Variants in PHKB observed in about 807,000 individuals in gnomAD.
PHKB encodes phosphorylase b kinase regulatory subunit beta.
PHKB carries 122 observed loss-of-function variants against 152.1 expected under a neutral mutation model. The observed-to-expected ratio is 0.80, with a 90% CI of 0.69 to 0.93. PHKB has a LOEUF of 0.93. Ranked by LOEUF, PHKB falls within the 40% of genes least tolerant of loss-of-function variation. PHKB has a pLI of 0.00. For missense variants in PHKB, 1,304 were observed against 1,328.4 expected (o/e 0.98, Z 0.29); for synonymous variants, 436 against 464.9 (o/e 0.94, Z 0.80).
At chr16:47,683,037 C>T (rs918338940) in intron 26 of PHKB, among the ~76,000 whole-genome samples, 3 of 152,202 alleles carry the variant, frequency 2.0e-5, no homozygotes, top group African/African-American at 7.2e-5. Context: ...CACTCCAGAC[C>T]CTCTTTGCCT....
chr16:47,593,089 G>GAAGA (rs1301364912), intron 10 of PHKB, among the ~76,000 whole-genome samples: 1 of 137,142 alleles, frequency 7.3e-6, no homozygotes, highest in African/African-American at 2.7e-5. Flanking sequence ...ACATCTCTGA[G>GAAGA]AAGAAAGAAA....
intron 1 of PHKB, among the ~76,000 whole-genome samples, chr16:47,495,121 A>G (rs1970210032): frequency 6.7e-6 from 1 of 150,334 alleles, no homozygotes; most frequent in Admixed American, 6.6e-5. Flanking sequence ...CTCTTACTGA[A>G]TAGATACTTA....
At chr16:47,588,862 A>G (rs566655075) in intron 9 of PHKB, 43 bp from the exon 10 acceptor site, 1 of 1,524,410 alleles carries the variant, frequency 6.6e-7, no homozygotes, top group South Asian at 1.1e-5. Flanking sequence ...TGTTGATCAC[A>G]TCGCTGTGGA....
intron 1 of PHKB, among the ~76,000 whole-genome samples, chr16:47,475,545 C>T (rs1038119558): frequency 7.9e-5 from 12 of 152,142 alleles, no homozygotes; most frequent in Non-Finnish European, 1.6e-4. Flanking sequence ...TAGGGGACTT[C>T]ATCTGGAAAT....
intron 20 of PHKB, among the ~76,000 whole-genome samples, chr16:47,657,606 A>C (rs1026080072): frequency 1.3e-5 from 2 of 152,178 alleles, no homozygotes; most frequent in African/African-American, 4.8e-5. Flanking sequence ...AGCTTCTACA[A>C]CCAACTGAAT....
At chr16:47,660,321 T>G (rs946853873) in intron 20 of PHKB, among the ~76,000 whole-genome samples, 185 bp from the exon 21 acceptor site, 29 of 150,622 alleles carry the variant, frequency 1.9e-4, no homozygotes, top group Non-Finnish European at 2.8e-4. Context: ...TATTTTAGGG[T>G]TTTTTTTGTG....
chr16:47,565,848 G>T, intron 7 of PHKB: 1 of 1,293,308 alleles, frequency 7.7e-7, no homozygotes, highest in South Asian at 1.3e-5. Flanking sequence ...AGCTTGACTG[G>T]ACTGGGAGGT....
At position 47,594,203 on chromosome 16, in the gene PHKB, A is replaced by G; in HGVS notation, c.1193A>G (p.His398Arg). The change falls in exon 12 of 31, where the codon CAT (histidine) becomes CGT (arginine). Residue 398 changes from histidine (H) to arginine (R), a missense_variant. Physicochemically the swap from His to Arg is conservative, Grantham distance 29. Coordinates refer to ENST00000323584, the MANE Select transcript of PHKB (RefSeq NM_000293.3). ...GATCTTTTGACTCCAGTACTTCATC[A>G]TACCACAGAAGGTATAGTTGTTTTT... Reference protein sequence around the residue: ...YQDLLTPVLHHTTEGYPVVPK... With the variant: ...YQDLLTPVLHRTTEGYPVVPK... 6.5e-7 allele frequency: 1 copy of G among 1,543,632 alleles called. No homozygotes were observed. The highest frequency in any genetic ancestry group is 9.0e-7 in the Non-Finnish European group (1 of 1,116,206).
intron 1 of PHKB, among the ~76,000 whole-genome samples, chr16:47,467,767 C>A (rs1969693988): frequency 6.6e-6 from 1 of 152,180 alleles, no homozygotes; most frequent in African/African-American, 2.4e-5. Flanking sequence ...AACAGCTTGT[C>A]TCACTGCTTT....
chr16:47,655,978 A>G (rs1346757213), intron 20 of PHKB, among the ~76,000 whole-genome samples: 1 of 152,142 alleles, frequency 6.6e-6, no homozygotes, highest in Non-Finnish European at 1.5e-5. Context: ...TTATAGGAGA[A>G]AGAGGTCAGT....
At chr16:47,512,811 C>T (rs1432808090) in intron 5 of PHKB, among the ~76,000 whole-genome samples, 1 of 152,114 alleles carries the variant, frequency 6.6e-6, no homozygotes, top group Non-Finnish European at 1.5e-5. Context: ...GGACAGAGTA[C>T]TTAACTATTC....
chr16:47,589,122 G>T lies in PHKB; in HGVS notation c.1068+20G>T. The T allele has an allele frequency of 6.4e-7, 1 of 1,564,400 alleles. No homozygotes were observed. The highest frequency in any genetic ancestry group is 1.1e-5 in the South Asian group (1 of 89,714). ...ATTAAGGTATTAAAAAATATTCCAT[G>T]GTAATCGCATATCAGAGCAATCAAA... On this transcript the variant is annotated intron_variant, in intron 10 of 30. Coordinates refer to ENST00000323584, the MANE Select transcript of PHKB (RefSeq NM_000293.3).
intron 16 of PHKB, among the ~76,000 whole-genome samples, chr16:47,647,113 GTATTTATTTATT>G (rs752246332): frequency 4.0e-5 from 6 of 151,546 alleles, no homozygotes; most frequent in Non-Finnish European, 8.8e-5. Context: ...ATTTATTTAT[GTATTTATTTATT>G]TATTTATTTA....
intron 4 of PHKB, among the ~76,000 whole-genome samples, chr16:47,509,211 C>G (rs1970468710): frequency 6.6e-6 from 1 of 152,136 alleles, no homozygotes; most frequent in African/African-American, 2.4e-5. Flanking sequence ...AAAAGAGTGA[C>G]CACATTGATT....
At chr16:47,518,941 G>T (rs1043997257) in intron 6 of PHKB, among the ~76,000 whole-genome samples, 1 of 152,134 alleles carries the variant, frequency 6.6e-6, no homozygotes, top group Admixed American at 6.5e-5. Flanking sequence ...AAATAAGAAA[G>T]AAATCATTTA....
At chr16:47,672,810 A>G (rs1435577521) in intron 26 of PHKB, among the ~76,000 whole-genome samples, 2 of 152,110 alleles carry the variant, frequency 1.3e-5, no homozygotes, top group African/African-American at 4.8e-5. Context: ...TTCTGTTTTT[A>G]TATCTGTTAC....
At chr16:47,578,197 C>T (rs549475611) in intron 7 of PHKB, among the ~76,000 whole-genome samples, 12 of 152,156 alleles carry the variant, frequency 7.9e-5, no homozygotes, top group Middle Eastern at 3.4e-3. Context: ...TTAAGGATTT[C>T]TGGTTTTTTG....
rs13335059 is a variant in PHKB, at chr16:47,642,046, C to T, written c.1608+354C>T. ...TCTTATATTTTGATTTGATTTTTTT[C>T]CTCTTATCAAAATGTATTCTTACAT... On this transcript the variant is annotated intron_variant, in intron 16 of 30. Coordinates refer to ENST00000323584, the MANE Select transcript of PHKB (RefSeq NM_000293.3). Among the ~76,000 whole-genome samples the T allele has an allele frequency of 4.2e-3, 637 of 151,434 alleles. 6 individuals are homozygous for T. Among genetic ancestry groups the T allele is most frequent in the African/African-American group, 0.015 (607 of 41,260 alleles).
intron 27 of PHKB, among the ~76,000 whole-genome samples, chr16:47,689,427 A>T (rs1255290254): frequency 1.3e-5 from 2 of 152,022 alleles, no homozygotes; most frequent in African/African-American, 4.8e-5. Context: ...CTTCATTTTT[A>T]TTATTCTGTG....
Sources: gnomAD v4.1 joint callset for allele counts (sites outside exome capture counted in the v4.1 genomes callset) on GRCh38, gnomAD v4.1.1 for gene constraint, MANE v1.5 for transcripts, NCBI Gene and HGNC (gene_info 2026-07-23, HGNC 2026-07-21) for gene names.